Variants in ADAM12 observed in about 807,000 individuals in gnomAD.
ADAM12 encodes the protein disintegrin and metalloproteinase domain-containing protein 12.
In ADAM12, 70 loss-of-function variants were observed where a neutral mutation model predicts 106.4. That is an observed-to-expected ratio of 0.66 (90% CI 0.54 to 0.80). The LOEUF is 0.80. Among genes scored for constraint, ADAM12 ranks in the 30% least tolerant of loss-of-function variants. The pLI, the probability that ADAM12 is intolerant of heterozygous loss-of-function variation, is 0.00. For missense variants in ADAM12, 1,010 were observed against 1,171.9 expected, an observed-to-expected ratio of 0.86 and a Z score of 2.02; for synonymous variants, 420 against 433.5, an observed-to-expected ratio of 0.97 and a Z score of 0.39.
chr10:126,168,691 AC>A (rs1957067591), intron 3 of ADAM12, among the ~76,000 whole-genome samples: 1 of 152,172 alleles, frequency 6.6e-6, no homozygotes, highest in Non-Finnish European at 1.5e-5. Context: ...TAAAACGAAA[AC>A]GGATCATGTC....
intron 20 of ADAM12, 151 bp from the exon 21 acceptor site, chr10:126,036,476 A>C: frequency 1.5e-6 from 1 of 689,086 alleles, no homozygotes; most frequent in Non-Finnish European, 2.2e-6. Context: ...GAGGGGAATT[A>C]TTTTTGTATT....
intron 11 of ADAM12, 95 bp downstream of exon 11, chr10:126,093,890 G>T: frequency 1.3e-6 from 2 of 1,546,850 alleles, no homozygotes; most frequent in South Asian, 2.5e-5. Flanking sequence ...TGGGTGCTCT[G>T]ACCAGAAAAC....
At chr10:126,048,648 T>G (rs1410899899) in intron 16 of ADAM12, among the ~76,000 whole-genome samples, 2 of 151,080 alleles carry the variant, frequency 1.3e-5, no homozygotes, top group Non-Finnish European at 2.9e-5. Flanking sequence ...TCATTTAGTC[T>G]GATGAGAAAG....
intron 6 of ADAM12, among the ~76,000 whole-genome samples, chr10:126,116,507 A>G (rs1278389): frequency 0.66 from 100,347 of 151,624 alleles, 34,001 homozygotes; most frequent in African/African-American, 0.82. Context: ...TGAGCTTGTA[A>G]GGGTAGAGGT....
intron 3 of ADAM12, among the ~76,000 whole-genome samples, chr10:126,241,229 G>A (rs933872115): frequency 9.2e-5 from 14 of 152,326 alleles, no homozygotes; most frequent in African/African-American, 3.1e-4. Context: ...TGGGCAAACG[G>A]AGAATAGGAA....
intron 2 of ADAM12, among the ~76,000 whole-genome samples, chr10:126,322,664 C>T (rs577026514): frequency 6.6e-6 from 1 of 152,308 alleles, no homozygotes; most frequent in South Asian, 2.1e-4. Flanking sequence ...GGCATCAGGT[C>T]ACAAGGCCAC....
chr10:126,152,174 T>C (rs1403287700), intron 4 of ADAM12, among the ~76,000 whole-genome samples: 1 of 152,084 alleles, frequency 6.6e-6, no homozygotes, highest in East Asian at 1.9e-4. Context: ...TCTAGAGACT[T>C]TTCTTTTGAG....
At chr10:126,387,212 G>A (rs991406235) in intron 1 of ADAM12, among the ~76,000 whole-genome samples, 5 of 152,218 alleles carry the variant, frequency 3.3e-5, no homozygotes, top group African/African-American at 1.2e-4. Flanking sequence ...GAGACCCGGG[G>A]AAGTTGCCGG....
At chr10:126,051,105 C>T (rs529273802) in intron 14 of ADAM12, among the ~76,000 whole-genome samples, 11 of 152,100 alleles carry the variant, frequency 7.2e-5, no homozygotes, top group Middle Eastern at 3.4e-3. Flanking sequence ...TTTTCTCTTT[C>T]GTCTATCTGT....
chr10:126,138,092 C>T (rs1052467726), intron 4 of ADAM12, among the ~76,000 whole-genome samples: 3 of 152,150 alleles, frequency 2.0e-5, no homozygotes, highest in Admixed American at 2.0e-4. Flanking sequence ...TATAGCCATC[C>T]TAGTGGATAT....
chr10:126,294,128 T>A (rs1960271342), intron 2 of ADAM12, among the ~76,000 whole-genome samples: 1 of 152,188 alleles, frequency 6.6e-6, no homozygotes, highest in Admixed American at 6.5e-5. Flanking sequence ...CATCCCTTCA[T>A]CAGATGCTGA....
intron 3 of ADAM12, among the ~76,000 whole-genome samples, chr10:126,240,778 A>G (rs988991492): frequency 4.6e-5 from 7 of 152,232 alleles, no homozygotes; most frequent in Admixed American, 1.3e-4. Context: ...GCAGGCCGAT[A>G]GCAGGGCACG....
chr10:126,168,895 A>G (rs1957071322), intron 3 of ADAM12, among the ~76,000 whole-genome samples: 1 of 152,034 alleles, frequency 6.6e-6, no homozygotes, highest in African/African-American at 2.4e-5. Flanking sequence ...TCTACTAACA[A>G]TACAAAAATT....
chr10:126,134,205 C>T (rs1471204809), intron 5 of ADAM12, among the ~76,000 whole-genome samples: 2 of 152,066 alleles, frequency 1.3e-5, no homozygotes, highest in Non-Finnish European at 2.9e-5. Flanking sequence ...ATAAATAGGA[C>T]ATAAAAATGC....
intron 3 of ADAM12, among the ~76,000 whole-genome samples, chr10:126,156,888 GT>G (rs921729094): frequency 6.6e-6 from 1 of 152,228 alleles, no homozygotes; most frequent in African/African-American, 2.4e-5. Flanking sequence ...CAGAACCTGG[GT>G]TTTCTGTGTC....
intron 1 of ADAM12, among the ~76,000 whole-genome samples, chr10:126,352,139 A>G (rs1339804239): frequency 6.6e-6 from 1 of 152,146 alleles, no homozygotes; most frequent in Non-Finnish European, 1.5e-5. Flanking sequence ...TTCACTTTTC[A>G]GTTTCCCGTC....
intron 3 of ADAM12, among the ~76,000 whole-genome samples, chr10:126,270,271 C>T (rs1032872002): frequency 1.3e-4 from 20 of 152,148 alleles, no homozygotes; most frequent in African/African-American, 4.8e-4. Context: ...GCTTTTTACA[C>T]TGCAGGCATT....
chr10:126,077,528 A>G (rs903120710), intron 11 of ADAM12, among the ~76,000 whole-genome samples: 12 of 152,238 alleles, frequency 7.9e-5, no homozygotes, highest in Admixed American at 7.9e-4. Flanking sequence ...ACAGCATGGT[A>G]GTGGTACAAA....
At chr10:126,055,430 C>A (rs1011969114) in intron 14 of ADAM12, among the ~76,000 whole-genome samples, 1 of 152,256 alleles carries the variant, frequency 6.6e-6, no homozygotes, top group Non-Finnish European at 1.5e-5. Flanking sequence ...CATTTTAGAT[C>A]ATCAGCAGGC....
Sources: gnomAD v4.1 joint callset for allele counts (sites outside exome capture counted in the v4.1 genomes callset) on GRCh38, gnomAD v4.1.1 for gene constraint, MANE v1.5 for transcripts, NCBI Gene and HGNC (gene_info 2026-07-23, HGNC 2026-07-21) for gene names.